The following TENM2 variants were observed in gnomAD, a reference collection of about 807,000 sequenced individuals.
TENM2 encodes the protein teneurin-2.
TENM2 carries 52 observed loss-of-function variants against 245.2 expected under a neutral mutation model. The observed-to-expected ratio is 0.21, with a 90% CI of 0.17 to 0.27. TENM2 has a LOEUF of 0.27. Ranked by LOEUF, TENM2 falls within the 10% of genes least tolerant of loss-of-function variation. The pLI, the probability that TENM2 is intolerant of heterozygous loss-of-function variation, is 1.00. For missense variants in TENM2, 3,046 were observed against 3,666.8 expected, an observed-to-expected ratio of 0.83 and a Z score of 4.37; for synonymous variants, 1,363 against 1,438.9, an observed-to-expected ratio of 0.95 and a Z score of 1.19.
At chr5:167,186,863 G>T in the TENM2 span, among the ~76,000 whole-genome samples, 4 of 152,180 alleles carry the variant, frequency 2.6e-5, no homozygotes, top group Non-Finnish European at 5.9e-5. Flanking sequence ...CCTTACAATG[G>T]TGGTGTTTCC....
intron 3 of TENM2, among the ~76,000 whole-genome samples, chr5:167,904,179 T>C (rs1480832193): frequency 6.6e-6 from 1 of 152,178 alleles, no homozygotes; most frequent in Non-Finnish European, 1.5e-5. Flanking sequence ...CTAAATTAGA[T>C]ACTTTGTCTT....
At chr5:167,941,261 C>T (rs1453705230) in intron 3 of TENM2, among the ~76,000 whole-genome samples, 6 of 152,126 alleles carry the variant, frequency 3.9e-5, no homozygotes, top group Non-Finnish European at 7.4e-5. Context: ...CTGATGTTTA[C>T]CAGGACTACC....
At chr5:168,119,201 A>G (rs1408540385) in intron 10 of TENM2, among the ~76,000 whole-genome samples, 1 of 152,240 alleles carries the variant, frequency 6.6e-6, no homozygotes, top group Non-Finnish European at 1.5e-5. Context: ...GATTTGATGG[A>G]TCCTGAAAAT....
At chr5:167,390,004 C>G (rs977786892) in intron 2 of TENM2, among the ~76,000 whole-genome samples, 11 of 151,842 alleles carry the variant, frequency 7.2e-5, no homozygotes, top group Admixed American at 2.0e-4. Flanking sequence ...TTTACAATGT[C>G]TACAGTGATC....
intron 2 of TENM2, among the ~76,000 whole-genome samples, chr5:167,520,969 C>T (rs1310503582): frequency 6.8e-6 from 1 of 146,800 alleles, no homozygotes; most frequent in Non-Finnish European, 1.5e-5. Flanking sequence ...TCATGTTTAC[C>T]ACAAACTGCC....
At chr5:168,182,934 G>A (rs1048452626) in intron 13 of TENM2, among the ~76,000 whole-genome samples, 5 of 149,316 alleles carry the variant, frequency 3.3e-5, no homozygotes, top group East Asian at 2.0e-4. Context: ...GCGTTCAAGC[G>A]ATTCTTCTGC....
At chr5:167,703,356 A>G (rs1441856930) in intron 2 of TENM2, among the ~76,000 whole-genome samples, 1 of 151,984 alleles carries the variant, frequency 6.6e-6, no homozygotes, top group Non-Finnish European at 1.5e-5. Context: ...ACATGGTGAA[A>G]CCCTGTCTCT....
chr5:167,732,938 G>A lies in TENM2; in HGVS notation c.503-143048G>A, dbSNP rs75284899. ...CCATGTGTTCACTTTTCATTAAGTAGTGACGTGGATGGTGCAAGGTCGATA... is the reference window on the plus strand; with the variant it reads ...CCATGTGTTCACTTTTCATTAAGTAATGACGTGGATGGTGCAAGGTCGATA... On this transcript the variant is annotated intron_variant, in intron 2 of 28. Transcript: ENST00000518659. Among the ~76,000 whole-genome samples, 1,001 of 152,304 alleles carry A rather than the reference G, an allele frequency of 6.6e-3. 11 individuals are homozygous for A. The highest frequency in any genetic ancestry group is 0.023 in the African/African-American group (952 of 41,566).
chr5:167,867,154 A>G (rs986535012), intron 2 of TENM2, among the ~76,000 whole-genome samples: 12 of 152,218 alleles, frequency 7.9e-5, no homozygotes, highest in Non-Finnish European at 1.6e-4. Flanking sequence ...GTGTCACTGC[A>G]GGTAAGGTGG....
chr5:167,208,803 ATGT>A, the TENM2 span, among the ~76,000 whole-genome samples: 1 of 152,210 alleles, frequency 6.6e-6, no homozygotes, highest in Non-Finnish European at 1.5e-5. Context: ...ATTATTCCCA[ATGT>A]CTAAAATGAC....
chr5:168,095,369 C>T (rs1793278978), intron 8 of TENM2, among the ~76,000 whole-genome samples: 1 of 152,132 alleles, frequency 6.6e-6, no homozygotes, highest in Admixed American at 6.6e-5. Flanking sequence ...TCTTTCCCAC[C>T]CCAGAGCCTT....
intron 3 of TENM2, among the ~76,000 whole-genome samples, chr5:167,896,587 A>G (rs1323195858): frequency 6.6e-6 from 1 of 152,222 alleles, no homozygotes; most frequent in African/African-American, 2.4e-5. Flanking sequence ...AGGAAGAGAA[A>G]TAAAACATTT....
At chr5:168,176,875 C>T (rs72835020) in intron 13 of TENM2, among the ~76,000 whole-genome samples, 5,847 of 152,286 alleles carry the variant, frequency 0.038, 131 homozygotes, top group Middle Eastern at 0.088. Flanking sequence ...CTATATACCG[C>T]TGATATCGTT....
At chr5:167,326,149 A>G (rs557074805) in intron 1 of TENM2, among the ~76,000 whole-genome samples, 82 of 152,242 alleles carry the variant, frequency 5.4e-4, no homozygotes, top group Middle Eastern at 3.4e-3. Flanking sequence ...GCAGGGTTAG[A>G]GAGAAAGGTC....
At chr5:167,668,623 G>A (rs1042917515) in intron 2 of TENM2, among the ~76,000 whole-genome samples, 5 of 152,214 alleles carry the variant, frequency 3.3e-5, no homozygotes, top group African/African-American at 7.2e-5. Context: ...AAACCGTTCT[G>A]AGAGACCATG....
At chr5:167,898,739 A>G (rs1775448119) in intron 3 of TENM2, among the ~76,000 whole-genome samples, 1 of 152,170 alleles carries the variant, frequency 6.6e-6, no homozygotes, top group Non-Finnish European at 1.5e-5. Flanking sequence ...CTTCATCAGG[A>G]AAGAAGGTAG....
intron 3 of TENM2, among the ~76,000 whole-genome samples, chr5:167,881,932 C>T (rs1773911968): frequency 6.6e-6 from 1 of 152,138 alleles, no homozygotes; most frequent in South Asian, 2.1e-4. Context: ...CCTGCCACCT[C>T]CCAATGCATG....
chr5:167,442,375 T>C (rs1054477919), intron 2 of TENM2, among the ~76,000 whole-genome samples: 1 of 152,218 alleles, frequency 6.6e-6, no homozygotes, highest in Non-Finnish European at 1.5e-5. Context: ...TGCACATGTG[T>C]GTGAGTGGGC....
At chr5:167,519,528 G>A (rs1328160907) in intron 2 of TENM2, among the ~76,000 whole-genome samples, 1 of 152,060 alleles carries the variant, frequency 6.6e-6, no homozygotes, top group Non-Finnish European at 1.5e-5. Flanking sequence ...TAGATCTGTA[G>A]TACACATTTA....
Sources: gnomAD v4.1 joint callset for allele counts (sites outside exome capture counted in the v4.1 genomes callset) on GRCh38, gnomAD v4.1.1 for gene constraint, MANE v1.5 for transcripts, NCBI Gene and HGNC (gene_info 2026-07-23, HGNC 2026-07-21) for gene names.